The following MAPK8IP3 variants were observed in gnomAD, a reference collection of about 807,000 sequenced individuals.
The protein encoded by MAPK8IP3 is C-Jun-amino-terminal kinase-interacting protein 3.
In MAPK8IP3, 49 loss-of-function variants were observed where a neutral mutation model predicts 157.8. The ratio of observed to expected loss-of-function variants is 0.31; its 90% CI spans 0.25 to 0.39. The LOEUF is 0.39. MAPK8IP3 is among the 10% of genes least tolerant of loss of function. The pLI, the probability that MAPK8IP3 is intolerant of heterozygous loss-of-function variation, is 1.00. For missense variants in MAPK8IP3, 1,478 were observed against 1,889.4 expected, an observed-to-expected ratio of 0.78 and a Z score of 4.04; for synonymous variants, 897 against 777.7, an observed-to-expected ratio of 1.15 and a Z score of -2.55.
chr16:1,706,429 G>T lies in MAPK8IP3; in HGVS notation c.90G>T (p.Ser30=), dbSNP rs368783950. ...GCTCGGTGATGTCGGAGCGGGTGTC[G>T]GGCCTGGCGGGCTCCATCTACCGCG... ...CSGSVMSERV[S]GLAGSIYREF... is the part of the protein sequence containing the mutation. The change falls in exon 1 of 32, where the codon TCG becomes TCT. Residue 30 remains serine, a synonymous_variant. Coordinates refer to ENST00000610761, the MANE Select transcript of MAPK8IP3 (RefSeq NM_001318852.2). The surrounding 1 kb of genome is among the most constrained non-coding windows in gnomAD (Gnocchi z 5.1). The T allele has an allele frequency of 4.3e-6, 7 of 1,613,746 alleles. No individual in the cohort carries two copies. The highest frequency in any genetic ancestry group is 5.1e-6 in the Non-Finnish European group (6 of 1,179,918).
At chr16:1,755,641 G>T (rs1372753607) in intron 8 of MAPK8IP3, among the ~76,000 whole-genome samples, 1 of 152,062 alleles carries the variant, frequency 6.6e-6, no homozygotes, top group Non-Finnish European at 1.5e-5. Flanking sequence ...GAGGTCAAGA[G>T]ATCGAGACCA....
Position 1,764,200 on chromosome 16 carries a change from C to A in MAPK8IP3, c.2111C>A (p.Pro704His), listed in dbSNP as rs750813175. ...VYCRPLVEKDPTMKLWCAAGV... is the reference protein window; with the variant it reads ...VYCRPLVEKDHTMKLWCAAGV... ...TGCCGCCCTCTGGTGGAGAAGGACC[C>A]CACCATGAAGGTGAGCCCGCGAGGA... is the stretch of plus-strand genomic sequence containing the variant. The change falls in exon 18 of 32, where the codon CCC (proline) becomes CAC (histidine). Residue 704 changes from proline to histidine, a missense_variant. Around this residue, in one of 11 missense-constraint regions of MAPK8IP3, gnomAD observed 669 missense variants for 759.8 expected, o/e 0.88. Transcript: ENST00000610761. 1.9e-6 allele frequency: 3 copies of A among 1,611,150 alleles called. No individual in the cohort carries two copies. Among genetic ancestry groups the A allele is most frequent in the Non-Finnish European group, 2.5e-6 (3 of 1,179,216 alleles).
chr16:1,766,894 C>A lies in MAPK8IP3; in HGVS notation c.3021-10C>A. 2 of 1,605,842 alleles carry A rather than the reference C, an allele frequency of 1.2e-6. No individual in the cohort carries two copies. Among genetic ancestry groups the A allele is most frequent in the Non-Finnish European group, 8.5e-7 (1 of 1,175,378 alleles). On this transcript the variant is annotated splice_polypyrimidine_tract_variant and intron_variant, in intron 24 of 31. Transcript: ENST00000610761. ...TGGCCCAAACCAGGCTCACCGCATT[C>A]CTGTTTCAGGCATGTCAAAGGCCGT... is the stretch of plus-strand genomic sequence containing the variant.
chr16:1,709,768 C>A (rs1428677425), intron 1 of MAPK8IP3, among the ~76,000 whole-genome samples: 1 of 152,236 alleles, frequency 6.6e-6, no homozygotes, highest in Non-Finnish European at 1.5e-5. Context: ...CCGGGCTTAC[C>A]CGGGCAGCAA....
At chr16:1,733,217 G>A (rs1001443974) in intron 4 of MAPK8IP3, among the ~76,000 whole-genome samples, 51 of 152,162 alleles carry the variant, frequency 3.4e-4, no homozygotes, top group Non-Finnish European at 6.0e-4. Flanking sequence ...GAGTGCCTCT[G>A]AGGCTGTGTC....
intron 2 of MAPK8IP3, among the ~76,000 whole-genome samples, chr16:1,726,938 G>A (rs554046209): frequency 6.6e-6 from 1 of 152,338 alleles, no homozygotes; most frequent in South Asian, 2.1e-4. Context: ...TGTGTGCAGC[G>A]TGCAGTGTCT....
In MAPK8IP3 at chr16:1,710,967, C is replaced by T. The variant is rs1437115543; in HGVS notation, c.318+4310C>T. On this transcript the variant is annotated intron_variant, in intron 1 of 31. Transcript: ENST00000610761. This position sits in a 1 kb window ranked among gnomAD's most constrained non-coding sequence, Gnocchi z 4.1. ...AGGTACCTGCCAGCCAGAGAGAACA[C>T]GGGACAGAGGCCGAAGTGGCCCGGA... Among the ~76,000 whole-genome samples, 2 of 152,174 alleles carry T rather than the reference C, an allele frequency of 1.3e-5. No individual in the cohort carries two copies. The highest frequency in any genetic ancestry group is 6.5e-5 in the Admixed American group (1 of 15,282).
rs1330930614 is a variant in MAPK8IP3, at chr16:1,724,965, T to C, written c.439+288T>C. ...TGTGGTCCTGAAGGTCCTTCCTGAA[T>C]CTTTTGAACAGAGCTCCTGCAGCCC... On this transcript the variant is annotated intron_variant, in intron 2 of 31. Transcript: ENST00000610761. The surrounding 1 kb of genome is among the most constrained non-coding windows in gnomAD (Gnocchi z 4.1). Among the ~76,000 whole-genome samples the C allele has an allele frequency of 1.3e-5, 2 of 152,108 alleles. No individual in the cohort carries two copies. Among genetic ancestry groups the C allele is most frequent in the East Asian group, 1.9e-4 (1 of 5,188 alleles).
At chr16:1,763,880 G>A in intron 17 of MAPK8IP3, 97 bp downstream of exon 17, 1 of 777,424 alleles carries the variant, frequency 1.3e-6, no homozygotes, top group East Asian at 3.0e-5. Flanking sequence ...GCGGGGCAGT[G>A]CTAGGGGGTG....
intron 14 of MAPK8IP3, 31 bp downstream of exon 14, chr16:1,762,512 GC>G: frequency 6.2e-7 from 1 of 1,610,922 alleles, no homozygotes; most frequent in South Asian, 1.1e-5. Context: ...AGGAGGGGCT[GC>G]GGGATCATCC....
intron 2 of MAPK8IP3, among the ~76,000 whole-genome samples, chr16:1,725,919 G>A (rs2038847914): frequency 6.6e-6 from 1 of 152,118 alleles, no homozygotes; most frequent in African/African-American, 2.4e-5. Context: ...GGATGGTCTC[G>A]ATCTTCTGAC....
rs761181004 is a variant in MAPK8IP3, at chr16:1,767,683, G to A, written c.3357G>A (p.Thr1119=). ...DSTLRLYHAH[T]HQHLQDVDIE... The stretch of plus-strand genomic sequence containing the variant: ...CCCTGAGGCTCTACCATGCACACAC[G>A]CACCAGCATCTACAGGACGTGGACA... Residue 1119 remains threonine (T), a synonymous_variant, in exon 27 of 32, where the codon ACG becomes ACA. Transcript: ENST00000610761. 1.9e-5 allele frequency: 31 copies of A among 1,612,656 alleles called. No individual in the cohort carries two copies. The highest frequency in any genetic ancestry group is 6.7e-5 in the Admixed American group (4 of 59,990).
At chr16:1,740,635 C>T (rs930599996) in intron 4 of MAPK8IP3, among the ~76,000 whole-genome samples, 1 of 152,228 alleles carries the variant, frequency 6.6e-6, no homozygotes, top group African/African-American at 2.4e-5. Flanking sequence ...CGCCTGTCTC[C>T]TTGTCTTGCC....
In MAPK8IP3 at chr16:1,743,318, G is replaced by A. The variant is rs748001100; in HGVS notation, c.603-14G>A. The stretch of plus-strand genomic sequence containing the variant: ...TCTAACCATCGCTTCCTCTCCTCTC[G>A]CCCCCCATTTCAGCAGGAAGGAGCG... On this transcript the variant is annotated splice_polypyrimidine_tract_variant and intron_variant, in intron 4 of 31. Transcript: ENST00000610761. The surrounding 1 kb of genome is among the most constrained non-coding windows in gnomAD (Gnocchi z 5.6). 34 of 1,540,110 alleles carry A rather than the reference G, an allele frequency of 2.2e-5. 1 individual carries two copies. Among genetic ancestry groups the A allele is most frequent in the East Asian group, 5.1e-5 (2 of 39,130 alleles).
intron 1 of MAPK8IP3, among the ~76,000 whole-genome samples, chr16:1,709,594 C>T (rs2037630977): frequency 6.6e-6 from 1 of 152,236 alleles, no homozygotes. Context: ...TGTGCAGGCT[C>T]TGATACAAAG....
chr16:1,768,842 G>GC lies in MAPK8IP3; in HGVS notation c.*21dup. 6.2e-7 allele frequency: 1 copy of GC among 1,610,754 alleles called. No homozygotes were observed. The highest frequency in any genetic ancestry group is 8.5e-7 in the Non-Finnish European group (1 of 1,179,536). ...CCGAGTGAAGCTGCTGCCCTGCCTG[G>GC]CCCGACCTGTACATAGGACCCCCGA... On this transcript the variant is annotated 3_prime_UTR_variant, in exon 32 of 32. Coordinates refer to ENST00000610761, the MANE Select transcript of MAPK8IP3 (RefSeq NM_001318852.2).
chr16:1,768,988 T>G lies in MAPK8IP3; in HGVS notation c.*164T>G. On this transcript the variant is annotated 3_prime_UTR_variant, in exon 32 of 32. Transcript: ENST00000610761. ...CTCCAGCGGGCAGGGAGTGCGGGGATGCGGATCAGCTGGGAGGAGGAGGGG... is the reference window on the plus strand; with the variant it reads ...CTCCAGCGGGCAGGGAGTGCGGGGAGGCGGATCAGCTGGGAGGAGGAGGGG... 1 of 769,206 alleles carries G rather than the reference T, an allele frequency of 1.3e-6. No homozygotes were observed. Among genetic ancestry groups the G allele is most frequent in the Non-Finnish European group, 2.1e-6 (1 of 484,894 alleles). 47.6% of individuals were successfully genotyped at this position (769,206 alleles called of 1,614,324 possible).
chr16:1,760,435 G>C lies in MAPK8IP3; in HGVS notation c.1360G>C (p.Gly454Arg), dbSNP rs527660989. Residue 454 changes from glycine (G) to arginine (R), a missense_variant, in exon 12 of 32, where the codon GGG becomes CGG. Physicochemically the swap from Gly to Arg is moderately radical, Grantham distance 125. Around this residue, in one of 11 missense-constraint regions of MAPK8IP3, gnomAD observed 96 missense variants for 106.3 expected, o/e 0.90. Coordinates refer to ENST00000610761, the MANE Select transcript of MAPK8IP3 (RefSeq NM_001318852.2). ...DLIAKVDQLS[G>R]EQEVLRGELE... ...GATTGCCAAGGTCGACCAGCTGTCC[G>C]GGGAGCAGGAGGTGCTGAGGGGCGA... 1 of 1,613,960 alleles carries C rather than the reference G, an allele frequency of 6.2e-7. No individual in the cohort carries two copies. Among genetic ancestry groups the C allele is most frequent in the South Asian group, 1.1e-5 (1 of 91,078 alleles).
At chr16:1,767,508 C>A in intron 26 of MAPK8IP3, 56 bp from the exon 27 acceptor site, 2 of 1,576,606 alleles carry the variant, frequency 1.3e-6, no homozygotes, top group Non-Finnish European at 1.7e-6. Context: ...AGGTTTGGGG[C>A]TCCCCACTTC....
Sources: gnomAD v4.1 joint callset for allele counts (sites outside exome capture counted in the v4.1 genomes callset) on GRCh38, gnomAD v4.1.1 for gene constraint, gnomAD v4.1.1 regional missense constraint, Gnocchi (gnomAD v3.1) non-coding constraint, MANE v1.5 for transcripts, NCBI Gene and HGNC (gene_info 2026-07-23, HGNC 2026-07-21) for gene names.